Variants in ERC1 observed in about 807,000 individuals in gnomAD.
The protein encoded by ERC1 is RAB6 interacting protein 2.
In ERC1, 56 loss-of-function variants were observed where a neutral mutation model predicts 132.0. The observed-to-expected ratio is 0.42, with a 90% CI of 0.34 to 0.53. The LOEUF (loss-of-function observed/expected upper bound fraction) is 0.53, where lower values mean the gene tolerates loss of function less well. Among genes scored for constraint, ERC1 ranks in the 20% least tolerant of loss-of-function variants. The pLI is 0.03. For synonymous variants in ERC1, 478 were observed against 476.1 expected, an observed-to-expected ratio of 1.00 and a Z score of -0.05; for missense variants, 1,202 against 1,349.9, an observed-to-expected ratio of 0.89 and a Z score of 1.72.
chr12:1,035,263 A>G lies in ERC1; in HGVS notation c.669+6691A>G, dbSNP rs551814728. Reference sequence around the variant, plus strand: ...TTTACAGTAATTAAATGGTTTCCCCATTTCAGTTTGAGACTGGGGATTTAG... The same window carrying G: ...TTTACAGTAATTAAATGGTTTCCCCGTTTCAGTTTGAGACTGGGGATTTAG... On this transcript the variant is annotated intron_variant, in intron 2 of 18. Coordinates refer to ENST00000360905, the MANE Select transcript of ERC1 (RefSeq NM_178040.4). 2.6e-5 allele frequency among the ~76,000 whole-genome samples: 4 copies of G among 152,308 alleles called. No homozygotes were observed. In the East Asian group the frequency reaches 7.7e-4, roughly 29 times the overall value.
At chr12:1,333,432 A>G (rs529935418) in intron 15 of ERC1, among the ~76,000 whole-genome samples, 1 of 148,208 alleles carries the variant, frequency 6.7e-6, no homozygotes, top group South Asian at 2.1e-4. Context: ...TCCCAGGTTC[A>G]AGCGATTCTC....
intron 16 of ERC1, among the ~76,000 whole-genome samples, chr12:1,394,045 CCA>C (rs1491029077): frequency 1.7e-5 from 1 of 57,868 alleles, no homozygotes. Flanking sequence ...AAAAAAAAAA[CCA>C]CAAAGCATTA....
chr12:1,075,906 T>C lies in ERC1; in HGVS notation c.670-7258T>C, dbSNP rs143424815. ...CAGATTTGGCAGAGGCAGAAGAAAA[T>C]CCATGTGTCAGCAGACCCTCAAAGT... On this transcript the variant is annotated intron_variant, in intron 2 of 18. Transcript: ENST00000360905. Among the ~76,000 whole-genome samples, 44 of 152,154 alleles carry C rather than the reference T, an allele frequency of 2.9e-4. No homozygotes were observed. In the East Asian group the frequency reaches 7.9e-3, roughly 27 times the overall value.
chr12:1,263,387 G>A lies in ERC1; in HGVS notation c.2619+222G>A, dbSNP rs184237035. Among the ~76,000 whole-genome samples the A allele has an allele frequency of 3.9e-5, 6 of 152,290 alleles. No individual in the cohort carries two copies. In the East Asian group the frequency reaches 1.2e-3, roughly 29 times the overall value. On this transcript the variant is annotated intron_variant, in intron 14 of 18. Coordinates refer to ENST00000360905, the MANE Select transcript of ERC1 (RefSeq NM_178040.4). ...AAGAAAGACCAACTTTATTAGCAAA[G>A]CTGAGAGAGAATTGATGAACATTTT... is the stretch of plus-strand genomic sequence containing the variant.
intron 7 of ERC1, among the ~76,000 whole-genome samples, chr12:1,131,193 G>T (rs1448204936): frequency 2.0e-5 from 3 of 152,182 alleles, no homozygotes; most frequent in African/African-American, 4.8e-5. Context: ...AAGCTGTGGA[G>T]GTGGTGGTGA....
chr12:1,075,195 T>C (rs921795301), intron 2 of ERC1, among the ~76,000 whole-genome samples: 1 of 152,174 alleles, frequency 6.6e-6, no homozygotes, highest in Non-Finnish European at 1.5e-5. Context: ...ATTATGGAAA[T>C]TAGAATTCAG....
At chr12:1,003,727 C>T (rs1311177405) in intron 1 of ERC1, among the ~76,000 whole-genome samples, 1 of 152,214 alleles carries the variant, frequency 6.6e-6, no homozygotes, top group Non-Finnish European at 1.5e-5. Context: ...TCTGATTTGA[C>T]TGGCAAAGAC....
chr12:1,182,730 T>C (rs1954619442), intron 10 of ERC1, among the ~76,000 whole-genome samples: 2 of 151,968 alleles, frequency 1.3e-5, no homozygotes, highest in African/African-American at 4.8e-5. Flanking sequence ...GGCATTATCA[T>C]AGCTCACTGC....
At chr12:1,408,034 A>G in intron 16 of ERC1, 115 bp from the exon 17 acceptor site, 1 of 676,910 alleles carries the variant, frequency 1.5e-6, no homozygotes. Flanking sequence ...AGTTTATTTT[A>G]TTGCAGACAG....
chr12:1,294,245 C>G (rs2079737870), intron 15 of ERC1, among the ~76,000 whole-genome samples: 1 of 152,100 alleles, frequency 6.6e-6, no homozygotes. Flanking sequence ...CCTAAATGTT[C>G]TTTGCCTTTC....
Position 1,371,964 on chromosome 12 carries a change from A to G in ERC1, c.2912A>G (p.Gln971Arg). ...LKREKDRLVQ[Q>R]LKQQTQNRMK... is the part of the protein sequence containing the mutation. The stretch of plus-strand genomic sequence containing the variant: ...CGGGAGAAGGATCGTCTGGTACAGC[A>G]GCTTAAGCAGCAGGTATTATTAAAT... Residue 971 changes from glutamine to arginine, a missense_variant, in exon 16 of 19, where the codon CAG becomes CGG. Coordinates refer to ENST00000360905, the MANE Select transcript of ERC1 (RefSeq NM_178040.4). 4.3e-6 allele frequency: 7 copies of G among 1,613,752 alleles called. No homozygotes were observed. The highest frequency in any genetic ancestry group is 5.9e-6 in the Non-Finnish European group (7 of 1,180,006).
chr12:1,076,278 G>A (rs10505719), intron 2 of ERC1, among the ~76,000 whole-genome samples: 34,521 of 151,944 alleles, frequency 0.23, 4,339 homozygotes, highest in Middle Eastern at 0.28. Flanking sequence ...GTCAAATATT[G>A]AATAAACCTA....
intron 8 of ERC1, among the ~76,000 whole-genome samples, chr12:1,154,915 A>G (rs1951223815): frequency 6.6e-6 from 1 of 152,230 alleles, no homozygotes; most frequent in Non-Finnish European, 1.5e-5. Flanking sequence ...AATAGCTGGT[A>G]TCATGGATGT....
At chr12:991,929 C>G (rs1278061422) in intron 1 of ERC1, 2 of 148,940 alleles carry the variant, frequency 1.3e-5, no homozygotes, top group Non-Finnish European at 3.0e-5. Flanking sequence ...TATTTTATTG[C>G]ACTAGATCTC....
chr12:1,229,455 T>C (rs1034228247), intron 12 of ERC1, among the ~76,000 whole-genome samples: 1 of 152,208 alleles, frequency 6.6e-6, no homozygotes, highest in African/African-American at 2.4e-5. Context: ...ATGGTGTCAC[T>C]GTGCCCCAGC....
At chr12:1,076,396 T>C (rs1474404702) in intron 2 of ERC1, among the ~76,000 whole-genome samples, 1 of 142,090 alleles carries the variant, frequency 7.0e-6, no homozygotes, top group Non-Finnish European at 1.6e-5. Context: ...TTTTTCTTTT[T>C]CTTTTTTTTT....
At chr12:1,123,855 C>T (rs1031744070) in intron 7 of ERC1, among the ~76,000 whole-genome samples, 2 of 152,116 alleles carry the variant, frequency 1.3e-5, no homozygotes, top group South Asian at 2.1e-4. Flanking sequence ...ATGAGCTGGG[C>T]GTGGTGGCAC....
chr12:1,051,003 CA>C (rs547044306), intron 2 of ERC1, among the ~76,000 whole-genome samples: 4 of 146,962 alleles, frequency 2.7e-5, no homozygotes, highest in East Asian at 2.0e-4. Flanking sequence ...GACTCAGTCT[CA>C]AAAAAAAAAG....
intron 12 of ERC1, among the ~76,000 whole-genome samples, chr12:1,227,596 T>A (rs918975858): frequency 6.6e-6 from 1 of 152,246 alleles, no homozygotes. Flanking sequence ...TCCCATTCTT[T>A]AAGTTGTCTC....
Sources: gnomAD v4.1 joint callset for allele counts (sites outside exome capture counted in the v4.1 genomes callset) on GRCh38, gnomAD v4.1.1 for gene constraint, MANE v1.5 for transcripts, NCBI Gene and HGNC (gene_info 2026-07-23, HGNC 2026-07-21) for gene names.